MYCBP2: variants seen among roughly 807,000 people sequenced by gnomAD.
MYCBP2 encodes E3 ubiquitin-protein ligase MYCBP2.
A neutral mutation model predicts 525.3 loss-of-function variants in MYCBP2; 120 were observed. The observed-to-expected ratio is 0.23, with a 90% CI of 0.20 to 0.27. The LOEUF (loss-of-function observed/expected upper bound fraction) is 0.27, where lower values mean the gene tolerates loss of function less well. MYCBP2 is among the 10% of genes least tolerant of loss of function. MYCBP2 has a pLI of 1.00. For missense variants in MYCBP2, 4,149 were observed against 5,657.1 expected (o/e 0.73, Z 8.55); for synonymous variants, 1,894 against 1,955.8 (o/e 0.97, Z 0.83).
intron 13 of MYCBP2, among the ~76,000 whole-genome samples, chr13:77,258,937 G>A (rs560791245): frequency 6.6e-6 from 1 of 152,222 alleles, no homozygotes; most frequent in South Asian, 2.1e-4. Flanking sequence ...TAAAGATTAA[G>A]TAAACTGTTA....
At position 77,288,075 on chromosome 13, in the gene MYCBP2, A is replaced by C; in HGVS notation, c.594+86T>G. ...TAGTGTGCAATTTTACATAAAGCAAAGTATTTTAGCAATGCGTATATATGC... is the reference window on the plus strand; with the variant it reads ...TAGTGTGCAATTTTACATAAAGCAACGTATTTTAGCAATGCGTATATATGC... On this transcript the variant is annotated intron_variant, in intron 3 of 82. Transcript: ENST00000544440. The C allele has an allele frequency of 3.8e-6, 5 of 1,314,036 alleles. 1 individual carries two copies. In the South Asian group the frequency reaches 5.5e-5, roughly 14 times the overall value. The allele number at this position is 1,314,036 out of a possible 1,614,324, so 81.4% of individuals were successfully genotyped here.
intron 26 of MYCBP2, among the ~76,000 whole-genome samples, chr13:77,203,788 A>T (rs1367257569): frequency 6.6e-6 from 1 of 151,996 alleles, no homozygotes; most frequent in Non-Finnish European, 1.5e-5. Context: ...AAAAACAAGA[A>T]ATGGGGAAAG....
At chr13:77,095,315 T>A in intron 58 of MYCBP2, 43 bp downstream of exon 58, 1 of 1,606,804 alleles carries the variant, frequency 6.2e-7, no homozygotes. Flanking sequence ...ACAATCGCTG[T>A]TAATCCAAAG....
Position 77,074,012 on chromosome 13 carries a change from C to T in MYCBP2, c.11823+2739G>A, listed in dbSNP as rs866798572. 4.0e-3 allele frequency among the ~76,000 whole-genome samples: 366 copies of T among 91,734 alleles called. 1 individual carries two copies. The highest frequency in any genetic ancestry group is 5.9e-3 in the African/African-American group (184 of 31,012). The allele number at this position is 91,734 out of a possible 152,430, so 60.2% of individuals were successfully genotyped here. On this transcript the variant is annotated intron_variant, in intron 68 of 82. Transcript: ENST00000544440. The stretch of plus-strand genomic sequence containing the variant: ...AATTCCATCCCCACCGCCCCCCCCC[C>T]TTTTTTTTTTAAAGAAACGGTCAAG...
intron 52 of MYCBP2, chr13:77,129,755 A>T (rs2052412741): frequency 6.6e-6 from 1 of 151,858 alleles, no homozygotes; most frequent in Non-Finnish European, 1.5e-5. Flanking sequence ...AGTCTGAGTC[A>T]TTTTTTTCAA....
Position 77,181,699 on chromosome 13 carries a change from A to G in MYCBP2, c.4941+2T>C. 2.5e-6 allele frequency: 4 copies of G among 1,612,976 alleles called. No homozygotes were observed. Among genetic ancestry groups the G allele is most frequent in the Non-Finnish European group, 3.4e-6 (4 of 1,179,540 alleles). ...TATAAAAGATTTCAGAGACAGACCT[A>G]CCTGGCTGAGTTTTTCCATATGTGC... On this transcript the variant is annotated splice_donor_variant, in intron 33 of 82. Coordinates refer to ENST00000544440, the MANE Select transcript of MYCBP2 (RefSeq NM_015057.5). LOFTEE classifies it high-confidence loss of function.
In MYCBP2 at chr13:77,228,691, T is replaced by TTGTG. The variant is rs34441629; in HGVS notation, c.2738-3141_2738-3138dup. On this transcript the variant is annotated intron_variant, in intron 18 of 82. Transcript: ENST00000544440. The stretch of plus-strand genomic sequence containing the variant: ...CTGTATTTTCCCTAAGATGAATATG[T>TTGTG]TGTGTGTGTGTGTGTGTGTGTGTGT... Among the ~76,000 whole-genome samples, 1,335 of 147,282 alleles carry TTGTG rather than the reference T, an allele frequency of 9.1e-3. 6 individuals are homozygous for TTGTG. The highest frequency in any genetic ancestry group is 0.011 in the African/African-American group (444 of 39,942).
intron 2 of MYCBP2, among the ~76,000 whole-genome samples, chr13:77,288,620 T>G (rs544937365): frequency 6.6e-6 from 1 of 152,290 alleles, no homozygotes; most frequent in Non-Finnish European, 1.5e-5. Flanking sequence ...GCAAAAAACT[T>G]AGAAATATTC....
At chr13:77,151,055 T>C (rs987003885) in intron 46 of MYCBP2, 106 bp from the exon 47 acceptor site, 15 of 916,868 alleles carry the variant, frequency 1.6e-5, no homozygotes, top group Non-Finnish European at 2.5e-5. Context: ...TACTTTATGT[T>C]AGCATTGGTC....
chr13:77,176,631 A>AG lies in MYCBP2; in HGVS notation c.5341-4_5341-3insC. 2.0e-6 allele frequency: 1 copy of AG among 509,648 alleles called. No homozygotes were observed. Among genetic ancestry groups the AG allele is most frequent in the South Asian group, 5.2e-5 (1 of 19,208 alleles). 31.6% of individuals were successfully genotyped at this position (509,648 alleles called of 1,614,324 possible). On this transcript the variant is annotated splice_region_variant and splice_polypyrimidine_tract_variant and intron_variant, in intron 35 of 82. Transcript: ENST00000544440. ...GTTGAATCTCCTGCATGTTCACTCT[A>AG]AAAAAAAAAAATGAAACACAAAAAT...
intron 1 of MYCBP2, among the ~76,000 whole-genome samples, chr13:77,310,650 C>T (rs1413038463): frequency 1.3e-5 from 2 of 151,898 alleles, no homozygotes; most frequent in Non-Finnish European, 2.9e-5. Flanking sequence ...GAAATTGAGT[C>T]TGAAATAATA....
chr13:77,219,459 A>ATT (rs750795057), intron 20 of MYCBP2, among the ~76,000 whole-genome samples: 3 of 146,452 alleles, frequency 2.0e-5, no homozygotes, highest in Non-Finnish European at 3.0e-5. Context: ...GAAGGAGAGG[A>ATT]TTTTTTTTTT....
At chr13:77,273,257 A>T (rs2075114511) in intron 5 of MYCBP2, among the ~76,000 whole-genome samples, 1 of 152,222 alleles carries the variant, frequency 6.6e-6, no homozygotes, top group African/African-American at 2.4e-5. Flanking sequence ...AAGATTTAAG[A>T]GGTCTGGCCA....
chr13:77,325,554 G>A (rs551914582), intron 1 of MYCBP2, among the ~76,000 whole-genome samples: 31 of 152,190 alleles, frequency 2.0e-4, no homozygotes, highest in Non-Finnish European at 3.7e-4. Flanking sequence ...GAAGCTGAAG[G>A]TGTAGCCAAC....
chr13:77,154,279 T>A (rs1182719014), intron 46 of MYCBP2, among the ~76,000 whole-genome samples: 1 of 151,772 alleles, frequency 6.6e-6, no homozygotes, highest in African/African-American at 2.4e-5. Context: ...CTGACATGAA[T>A]TTAGAGCACA....
At chr13:77,219,857 G>A (rs770716456) in intron 20 of MYCBP2, among the ~76,000 whole-genome samples, 4 of 152,128 alleles carry the variant, frequency 2.6e-5, no homozygotes, top group Non-Finnish European at 5.9e-5. Context: ...GGAAGTCCAT[G>A]AGTGAGCTTC....
At chr13:77,215,548 T>C (rs2064704076) in intron 21 of MYCBP2, among the ~76,000 whole-genome samples, 1 of 152,146 alleles carries the variant, frequency 6.6e-6, no homozygotes, top group Non-Finnish European at 1.5e-5. Context: ...AGAAAGAACC[T>C]TGTGGGAATG....
intron 15 of MYCBP2, among the ~76,000 whole-genome samples, chr13:77,248,361 A>G (rs2154324096): frequency 6.6e-6 from 1 of 152,290 alleles, no homozygotes; most frequent in African/African-American, 2.4e-5. Context: ...TTCAAATCAT[A>G]TATCTGATAA....
At chr13:77,102,976 T>C (rs970100412) in intron 55 of MYCBP2, among the ~76,000 whole-genome samples, 29 of 152,012 alleles carry the variant, frequency 1.9e-4, no homozygotes, top group African/African-American at 7.0e-4. Context: ...TAAGTAAGAG[T>C]AATGTTTAAC....
Sources: gnomAD v4.1 joint callset for allele counts (sites outside exome capture counted in the v4.1 genomes callset) on GRCh38, gnomAD v4.1.1 for gene constraint, MANE v1.5 for transcripts, NCBI Gene and HGNC (gene_info 2026-07-23, HGNC 2026-07-21) for gene names.